Variants in MDN1 observed in about 807,000 individuals in gnomAD.
The protein encoded by MDN1 is midasin AAA ATPase 1.
Under a neutral mutation model 669.2 loss-of-function variants are expected in MDN1, and 266 were observed. The observed-to-expected ratio is 0.40, with a 90% CI of 0.36 to 0.44. The LOEUF is 0.44. Among genes scored for constraint, MDN1 ranks in the 20% least tolerant of loss-of-function variants. The probability of loss-of-function intolerance (pLI) is 1.00; values close to 1 mark genes in which losing one functional copy is unlikely to be tolerated. For missense variants in MDN1, 5,940 were observed against 6,754.0 expected, an observed-to-expected ratio of 0.88 and a Z score of 4.22; for synonymous variants, 2,385 against 2,457.1, an observed-to-expected ratio of 0.97 and a Z score of 0.87.
At chr6:89,692,285 T>C (rs1388583284) in intron 63 of MDN1, among the ~76,000 whole-genome samples, 158 bp downstream of exon 63, 1 of 151,966 alleles carries the variant, frequency 6.6e-6, no homozygotes, top group Non-Finnish European at 1.5e-5. Flanking sequence ...CCAAACATGA[T>C]AGTTAAATAG....
intron 63 of MDN1, 82 bp from the exon 64 acceptor site, chr6:89,690,916 T>C (rs890323659): frequency 2.4e-5 from 35 of 1,479,476 alleles, no homozygotes; most frequent in Non-Finnish European, 2.9e-5. Flanking sequence ...TAATTTCTCA[T>C]GAAAATGAAA....
At chr6:89,687,203 C>A (rs557314199) in intron 68 of MDN1, 141 bp downstream of exon 68, 3 of 1,142,682 alleles carry the variant, frequency 2.6e-6, no homozygotes, top group East Asian at 2.5e-5. Flanking sequence ...CATTTTAATG[C>A]CCTACTTTTA....
At chr6:89,687,788 G>A (rs1211803970) in intron 67 of MDN1, among the ~76,000 whole-genome samples, 2 of 152,270 alleles carry the variant, frequency 1.3e-5, no homozygotes, top group Non-Finnish European at 2.9e-5. Flanking sequence ...GAGGGGAACC[G>A]TGTATGTGGG....
At chr6:89,810,566 C>T (rs1389839250) in intron 1 of MDN1, among the ~76,000 whole-genome samples, 1 of 152,190 alleles carries the variant, frequency 6.6e-6, no homozygotes, top group East Asian at 1.9e-4. Flanking sequence ...GGGGAGAATC[C>T]TTCCTTGCCT....
chr6:89,771,527 C>G, intron 15 of MDN1, 34 bp downstream of exon 15: 2 of 1,581,604 alleles, frequency 1.3e-6, no homozygotes, highest in Non-Finnish European at 1.7e-6. Flanking sequence ...GCAATAAACA[C>G]AAAAATAAGA....
At chr6:89,708,423 C>CA in intron 51 of MDN1, 73 bp downstream of exon 51, 2 of 1,554,120 alleles carry the variant, frequency 1.3e-6, no homozygotes, top group Non-Finnish European at 1.7e-6. Flanking sequence ...AGCTATTTGA[C>CA]AGATTCTTAG....
intron 15 of MDN1, among the ~76,000 whole-genome samples, chr6:89,764,061 A>T (rs1019030741): frequency 2.0e-5 from 3 of 152,122 alleles, no homozygotes; most frequent in African/African-American, 4.8e-5. Flanking sequence ...ATAAAAAATT[A>T]AAAAATTAGC....
At chr6:89,646,082 TG>T (rs1226460351) in intron 100 of MDN1, among the ~76,000 whole-genome samples, 1 of 152,172 alleles carries the variant, frequency 6.6e-6, no homozygotes, top group Admixed American at 6.5e-5. Flanking sequence ...GAGATGGCCC[TG>T]GAGAACCCGC....
At chr6:89,646,403 T>C in intron 100 of MDN1, 137 bp downstream of exon 100, 1 of 732,498 alleles carries the variant, frequency 1.4e-6, no homozygotes, top group East Asian at 2.6e-5. Context: ...AAAAATCAGC[T>C]CCATCAATTT....
Position 89,674,133 on chromosome 6 carries a change from C to A in MDN1, c.13218G>T (p.Gln4406His). The A allele has an allele frequency of 6.2e-7, 1 of 1,614,142 alleles. No homozygotes were observed. Among genetic ancestry groups the A allele is most frequent in the Non-Finnish European group, 8.5e-7 (1 of 1,180,012 alleles). The change falls in exon 79 of 102, where the codon CAG becomes CAT. Residue 4406 changes from glutamine (Q) to histidine (H), a missense_variant. Around this residue, in one of 5 missense-constraint regions of MDN1, gnomAD observed 2,280 missense variants for 2,576.3 expected, o/e 0.88. Transcript: ENST00000369393. ...TVKADVDKIR[Q>H]QSCETLFHSW... The stretch of plus-strand genomic sequence containing the variant: ...AATGAAAGAGAGTCTCACAAGACTG[C>A]TGTCTAATTTTGTCGACGTCAGCTT...
intron 66 of MDN1, 46 bp downstream of exon 66, chr6:89,688,527 T>C: frequency 6.4e-7 from 1 of 1,555,784 alleles, no homozygotes; most frequent in South Asian, 1.2e-5. Context: ...GCATCCTCAT[T>C]GCAGACTCAG....
chr6:89,800,959 C>A (rs900111700), intron 2 of MDN1, among the ~76,000 whole-genome samples: 10 of 152,158 alleles, frequency 6.6e-5, no homozygotes, highest in Non-Finnish European at 1.3e-4. Context: ...AAGTGTTCTG[C>A]AAATGTAGAG....
At chr6:89,663,761 C>T (rs1048300603) in intron 85 of MDN1, among the ~76,000 whole-genome samples, 8 of 151,426 alleles carry the variant, frequency 5.3e-5, no homozygotes, top group South Asian at 2.1e-4. Context: ...GGTGAAACCC[C>T]GTCTCTACTA....
At chr6:89,767,585 C>G (rs1239454088) in intron 15 of MDN1, among the ~76,000 whole-genome samples, 4 of 152,030 alleles carry the variant, frequency 2.6e-5, no homozygotes, top group South Asian at 2.1e-4. Flanking sequence ...TGGTGAAACC[C>G]TATCTCAATT....
Position 89,692,539 on chromosome 6 carries a change from C to T in MDN1, c.10491G>A (p.Gln3497=). The change falls in exon 63 of 102, where the codon CAG becomes CAA. Residue 3497 remains glutamine, a synonymous_variant. Coordinates refer to ENST00000369393, the MANE Select transcript of MDN1 (RefSeq NM_014611.3). Reference sequence around the variant, plus strand: ...GGTAAAGGAGAGCATTCATCAGCAGCTGCTCCCGAGTGGGACAGGCTTTCT... The same window carrying T: ...GGTAAAGGAGAGCATTCATCAGCAGTTGCTCCCGAGTGGGACAGGCTTTCT... ...KGQKACPTRE[Q]LLMNALLYLR... is the part of the protein sequence containing the mutation. 6.2e-7 allele frequency: 1 copy of T among 1,614,250 alleles called. No homozygotes were observed. Among genetic ancestry groups the T allele is most frequent in the Non-Finnish European group, 8.5e-7 (1 of 1,180,038 alleles).
chr6:89,758,161 C>A, intron 19 of MDN1, 94 bp downstream of exon 19: 1 of 944,400 alleles, frequency 1.1e-6, no homozygotes. Context: ...CGGGGACTTG[C>A]AGTGAGCCAA....
chr6:89,662,009 G>A, intron 87 of MDN1, 78 bp downstream of exon 87: 2 of 1,501,208 alleles, frequency 1.3e-6, no homozygotes, highest in East Asian at 2.3e-5. Context: ...AAAATATCTT[G>A]AGACACCTTG....
intron 15 of MDN1, among the ~76,000 whole-genome samples, chr6:89,764,123 G>C (rs985784033): frequency 6.6e-6 from 1 of 152,168 alleles, no homozygotes. Flanking sequence ...GGCTAAGAAA[G>C]AAGGATCACT....
chr6:89,742,531 T>G (rs1303311534), intron 31 of MDN1, among the ~76,000 whole-genome samples: 1 of 152,248 alleles, frequency 6.6e-6, no homozygotes, highest in South Asian at 2.1e-4. Flanking sequence ...GCAATACCAC[T>G]AACTCAGTGA....
Sources: allele counts gnomAD v4.1 joint callset (sites outside exome capture counted in the v4.1 genomes callset), GRCh38; gene constraint gnomAD v4.1.1; regional missense constraint gnomAD v4.1.1; transcripts MANE v1.5; gene names NCBI Gene and HGNC (gene_info 2026-07-23, HGNC 2026-07-21).